Variants in HGF observed in about 807,000 individuals in gnomAD.
HGF encodes fibroblast-derived tumor cytotoxic factor.
Under a neutral mutation model 111.6 loss-of-function variants are expected in HGF, and 39 were observed. The observed-to-expected ratio is 0.35, with a 90% CI of 0.27 to 0.46. The LOEUF is 0.46. HGF is among the 20% of genes least tolerant of loss of function. The pLI is 1.00. For synonymous variants in HGF, 285 were observed against 294.8 expected (o/e 0.97, Z 0.34); for missense variants, 735 against 910.5 (o/e 0.81, Z 2.48).
At position 81,702,459 on chromosome 7, in the gene HGF, A is replaced by G. The variant is rs2115740800; in HGVS notation, c.*122T>C. On this transcript the variant is annotated 3_prime_UTR_variant, in exon 18 of 18. Coordinates refer to ENST00000222390, the MANE Select transcript of HGF (RefSeq NM_000601.6). ...ATAAACATTAATGAGAATTTCAACA[A>G]ACATGACTCTCCAGTAGTTGTCTTA... 2 of 780,788 alleles carry G rather than the reference A, an allele frequency of 2.6e-6. No homozygotes were observed. Among genetic ancestry groups the G allele is most frequent in the East Asian group, 5.1e-5 (2 of 39,528 alleles). The allele number at this position is 780,788 out of a possible 1,614,324, so 48.4% of individuals were successfully genotyped here.
At chr7:81,725,819 A>T in intron 9 of HGF, 71 bp downstream of exon 9, 4 of 1,534,498 alleles carry the variant, frequency 2.6e-6, no homozygotes, top group Non-Finnish European at 2.7e-6. Flanking sequence ...CTTATGCTGT[A>T]AAATGTGTCC....
At position 81,770,039 on chromosome 7, in the gene HGF, T is replaced by A. The variant is rs1002872977; in HGVS notation, c.-68A>T. On this transcript the variant is annotated 5_prime_UTR_variant, in exon 1 of 18. Transcript: ENST00000222390. ...CTGGGTGAAAGAATCCTGTTCGGAG[T>A]CAGTGCCTAAAAGAGCCAGTCGGCT... is the stretch of plus-strand genomic sequence containing the variant. 2 of 1,197,596 alleles carry A rather than the reference T, an allele frequency of 1.7e-6. No homozygotes were observed. The highest frequency in any genetic ancestry group is 4.0e-5 in the Admixed American group (2 of 50,524). The allele number at this position is 1,197,596 out of a possible 1,614,324, so 74.2% of individuals were successfully genotyped here.
intron 7 of HGF, among the ~76,000 whole-genome samples, chr7:81,740,523 T>A (rs986213449): frequency 6.6e-6 from 1 of 152,164 alleles, no homozygotes; most frequent in African/African-American, 2.4e-5. Flanking sequence ...AGATTTTGCA[T>A]ATGTAATTAA....
At chr7:81,759,305 T>C (rs549391349) in intron 2 of HGF, among the ~76,000 whole-genome samples, 1 of 152,286 alleles carries the variant, frequency 6.6e-6, no homozygotes, top group African/African-American at 2.4e-5. Context: ...TGACATTTTC[T>C]AAGGTGCATT....
chr7:81,709,677 G>A (rs5745742), intron 13 of HGF, among the ~76,000 whole-genome samples: 2 of 151,940 alleles, frequency 1.3e-5, no homozygotes, highest in African/African-American at 2.4e-5. Flanking sequence ...AAATGCTCTA[G>A]AATTTAAAAT....
chr7:81,719,217 GTACATCCCAGC>G (rs1245142483), intron 10 of HGF, among the ~76,000 whole-genome samples: 2 of 152,114 alleles, frequency 1.3e-5, no homozygotes, highest in East Asian at 1.9e-4. Context: ...TACTCATCAT[GTACATCCCAGC>G]TAATTTCCCT....
In HGF at chr7:81,765,652, T is replaced by C. The variant is rs184395352; in HGVS notation, c.89-2780A>G. ...ATATGAAGTTGGAGCTAATTGTACATCATGTAATCCACACATCTATAAAAT... is the reference window on the plus strand; with the variant it reads ...ATATGAAGTTGGAGCTAATTGTACACCATGTAATCCACACATCTATAAAAT... On this transcript the variant is annotated intron_variant, in intron 1 of 17. Transcript: ENST00000222390. Among the ~76,000 whole-genome samples, 367 of 152,294 alleles carry C rather than the reference T, an allele frequency of 2.4e-3. 1 individual carries two copies. Among genetic ancestry groups the C allele is most frequent in the Admixed American group, 4.8e-3 (74 of 15,300 alleles).
intron 5 of HGF, among the ~76,000 whole-genome samples, chr7:81,747,044 T>C (rs1788286232): frequency 6.6e-6 from 1 of 152,128 alleles, no homozygotes; most frequent in South Asian, 2.1e-4. Context: ...ACAGGATCTA[T>C]TATAAAAGTT....
At chr7:81,757,514 T>G (rs762415077) in intron 3 of HGF, among the ~76,000 whole-genome samples, 2 of 152,190 alleles carry the variant, frequency 1.3e-5, no homozygotes, top group African/African-American at 2.4e-5. Context: ...GTTTTAATTT[T>G]GTGTATATAT....
intron 11 of HGF, among the ~76,000 whole-genome samples, chr7:81,712,212 C>T (rs1469753084): frequency 6.6e-6 from 1 of 152,038 alleles, no homozygotes; most frequent in East Asian, 1.9e-4. Flanking sequence ...TTGAATAGCA[C>T]TCGTGTTCAT....
At chr7:81,756,293 A>C (rs1260859682) in intron 4 of HGF, 7 of 499,762 alleles carry the variant, frequency 1.4e-5, no homozygotes, top group Non-Finnish European at 2.5e-5. Context: ...TCTCATTACA[A>C]GTAAATGAGA....
rs1375522924 is a variant in HGF at position 81,745,136 on chromosome 7, T to G, written c.626-16A>C. ...ATGCATTCAACTAATAAAATTAAAGTATGGCATGTTAATTGTTTCTGACAG... is the reference window on the plus strand; with the variant it reads ...ATGCATTCAACTAATAAAATTAAAGGATGGCATGTTAATTGTTTCTGACAG... On this transcript the variant is annotated splice_polypyrimidine_tract_variant and intron_variant, in intron 5 of 17. Transcript: ENST00000222390. 1 of 1,613,232 alleles carries G rather than the reference T, an allele frequency of 6.2e-7. No individual in the cohort carries two copies. Among genetic ancestry groups the G allele is most frequent in the South Asian group, 1.1e-5 (1 of 91,074 alleles).
At position 81,744,467 on chromosome 7, in the gene HGF, T is replaced by A. The variant is rs115920878; in HGVS notation, c.746+533A>T. 9.6e-3 allele frequency among the ~76,000 whole-genome samples: 1,457 copies of A among 152,302 alleles called. 21 individuals are homozygous for A. Among genetic ancestry groups the A allele is most frequent in the African/African-American group, 0.034 (1,394 of 41,556 alleles). On this transcript the variant is annotated intron_variant, in intron 6 of 17. Coordinates refer to ENST00000222390, the MANE Select transcript of HGF (RefSeq NM_000601.6). ...AACCTGAATGGTTTGCTCTACTTTTTACTCCCTATGACCACTACTTATGTC... is the reference window on the plus strand; with the variant it reads ...AACCTGAATGGTTTGCTCTACTTTTAACTCCCTATGACCACTACTTATGTC...
rs1275361840 is a variant in HGF at position 81,762,780 on chromosome 7, T to A, written c.181A>T (p.Thr61Ser). The A allele has an allele frequency of 1.9e-6, 3 of 1,611,086 alleles. No individual in the cohort carries two copies. In the African/African-American group the frequency reaches 4.0e-5, roughly 22 times the overall value. Residue 61 changes from threonine to serine, a missense_variant, in exon 2 of 18, where the codon ACC (threonine) becomes TCC (serine). Thr to Ser is a moderately conservative substitution (Grantham distance 58). Around this residue, in one of 3 missense-constraint regions of HGF, gnomAD observed 553 missense variants for 685.6 expected, o/e 0.81. Coordinates refer to ENST00000222390, the MANE Select transcript of HGF (RefSeq NM_000601.6). ...TGGTCTGCAGTATTCACTTTTTTGG[T>A]TTTTATCTTCAGTGCTGGATCTATT... ...IKIDPALKIK[T>S]KKVNTADQCA...
At position 81,769,907 on chromosome 7, in the gene HGF, A is replaced by T; in HGVS notation, c.65T>A (p.Leu22His). 1.3e-6 allele frequency: 2 copies of T among 1,568,438 alleles called. No homozygotes were observed. The highest frequency in any genetic ancestry group is 1.7e-6 in the Non-Finnish European group (2 of 1,155,634). ...LQHVLLHLLL[L>H]PIAIPYAEGQ... ...ACCTGCATAGGGGATGGCGATGGGG[A>T]GCAGGAGGAGATGCAGGAGGACATG... is the stretch of plus-strand genomic sequence containing the variant. Residue 22 changes from leucine (L) to histidine (H), a missense_variant, in exon 1 of 18, where the codon CTC (leucine) becomes CAC (histidine). Leu to His is a moderately conservative substitution (Grantham distance 99, BLOSUM62 -3). Coordinates refer to ENST00000222390, the MANE Select transcript of HGF (RefSeq NM_000601.6).
intron 1 of HGF, among the ~76,000 whole-genome samples, chr7:81,763,335 C>G (rs1789195474): frequency 6.6e-6 from 1 of 152,080 alleles, no homozygotes; most frequent in Non-Finnish European, 1.5e-5. Context: ...AAAAACTGTA[C>G]AGTGGACAAA....
intron 10 of HGF, among the ~76,000 whole-genome samples, chr7:81,717,944 T>A (rs5745719): frequency 3.9e-4 from 59 of 152,284 alleles, no homozygotes; most frequent in African/African-American, 1.4e-3. Context: ...ACATCTTAAC[T>A]AAATTTATTA....
chr7:81,751,273 G>A, intron 5 of HGF: 1 of 984,548 alleles, frequency 1.0e-6, no homozygotes, highest in Non-Finnish European at 1.2e-6. Flanking sequence ...TTCTAACAGA[G>A]TTTCATCCAT....
At chr7:81,719,715 G>A (rs1422750828) in intron 10 of HGF, among the ~76,000 whole-genome samples, 1 of 152,088 alleles carries the variant, frequency 6.6e-6, no homozygotes, top group South Asian at 2.1e-4. Flanking sequence ...GAGCTGCATT[G>A]TCTTTATATT....
Sources: allele counts gnomAD v4.1 joint callset (sites outside exome capture counted in the v4.1 genomes callset), GRCh38; gene constraint gnomAD v4.1.1; regional missense constraint gnomAD v4.1.1; transcripts MANE v1.5; gene names NCBI Gene and HGNC (gene_info 2026-07-23, HGNC 2026-07-21).